Variants in PIK3C2G observed in about 807,000 individuals in gnomAD.
PIK3C2G encodes phosphatidylinositol 3-kinase C2 domain-containing subunit gamma.
PIK3C2G carries 168 observed loss-of-function variants against 181.1 expected under a neutral mutation model. The ratio of observed to expected loss-of-function variants is 0.93; its 90% CI spans 0.82 to 1.05. The LOEUF (loss-of-function observed/expected upper bound fraction) is 1.05. Among genes scored for constraint, PIK3C2G ranks in the 50% least tolerant of loss-of-function variants. The pLI is 0.00. For missense variants in PIK3C2G, 1,869 were observed against 1,732.8 expected, an observed-to-expected ratio of 1.08 and a Z score of -1.40; for synonymous variants, 573 against 592.2, an observed-to-expected ratio of 0.97 and a Z score of 0.47.
chr12:18,659,377 T>C, the PIK3C2G span, among the ~76,000 whole-genome samples: 1 of 152,126 alleles, frequency 6.6e-6, no homozygotes, highest in Non-Finnish European at 1.5e-5. Flanking sequence ...AAAGAACTCT[T>C]TGTTCCCTAA....
intron 22 of PIK3C2G, among the ~76,000 whole-genome samples, chr12:18,498,699 G>A (rs948980056): frequency 1.3e-5 from 2 of 152,026 alleles, no homozygotes; most frequent in African/African-American, 4.8e-5. Context: ...TGAGATTTTA[G>A]ATGCTAAGTA....
At chr12:18,272,354 CA>C (rs780337089) in intron 1 of PIK3C2G, among the ~76,000 whole-genome samples, 27 of 152,066 alleles carry the variant, frequency 1.8e-4, no homozygotes, top group Non-Finnish European at 3.8e-4. Flanking sequence ...GAATTTTTGG[CA>C]AGACTTCTTC....
chr12:18,332,399 A>T (rs2137547396), intron 8 of PIK3C2G, among the ~76,000 whole-genome samples: 1 of 152,278 alleles, frequency 6.6e-6, no homozygotes, highest in East Asian at 1.9e-4. Context: ...AACCAGTCAC[A>T]GCCTTAGGCA....
At chr12:18,343,260 A>G in intron 9 of PIK3C2G, 67 bp from the exon 10 acceptor site, 1 of 805,774 alleles carries the variant, frequency 1.2e-6, no homozygotes. Context: ...GATTTTGGAC[A>G]TTACTATTTG....
At chr12:18,594,123 C>T (rs568650840) in intron 29 of PIK3C2G, among the ~76,000 whole-genome samples, 1 of 152,018 alleles carries the variant, frequency 6.6e-6, no homozygotes, top group Non-Finnish European at 1.5e-5. Flanking sequence ...CTGTCCCACT[C>T]ACAGTAATTT....
intron 20 of PIK3C2G, chr12:18,493,637 T>C (rs1284990812): frequency 2.0e-5 from 3 of 152,272 alleles, no homozygotes; most frequent in African/African-American, 7.2e-5. Context: ...TGAGCCATTA[T>C]AGTTCACAAG....
At chr12:18,372,346 T>C (rs796418283) in intron 13 of PIK3C2G, among the ~76,000 whole-genome samples, 14 of 152,224 alleles carry the variant, frequency 9.2e-5, no homozygotes, top group African/African-American at 3.1e-4. Context: ...CTCATATAAA[T>C]AGGCAATCAA....
chr12:18,688,090 A>T, the PIK3C2G span: 1 of 1,609,692 alleles, frequency 6.2e-7, no homozygotes, highest in Middle Eastern at 1.7e-4. Context: ...GGAGCTCACC[A>T]TTTTTTTTAA....
intron 31 of PIK3C2G, among the ~76,000 whole-genome samples, chr12:18,619,144 T>C (rs1370010302): frequency 6.6e-6 from 1 of 151,326 alleles, no homozygotes; most frequent in Non-Finnish European, 1.5e-5. Context: ...CTAAAAACAA[T>C]CTAAAAATAT....
At chr12:18,319,554 A>AT (rs1430711743) in intron 6 of PIK3C2G, among the ~76,000 whole-genome samples, 3 of 152,014 alleles carry the variant, frequency 2.0e-5, no homozygotes, top group Non-Finnish European at 4.4e-5. Flanking sequence ...AAATTAAAAA[A>AT]TTTTTCTAGC....
the PIK3C2G span, chr12:18,693,981 C>T: frequency 6.6e-7 from 1 of 1,503,776 alleles, no homozygotes. Flanking sequence ...TGTACAGAAG[C>T]TGGTCTGATG....
chr12:18,391,296 A>G (rs780602689), intron 15 of PIK3C2G, 44 bp downstream of exon 15: 24 of 1,459,174 alleles, frequency 1.6e-5, no homozygotes, highest in Non-Finnish European at 2.0e-5. Context: ...CCTGCTGTTT[A>G]TGATTTCCTC....
At chr12:18,634,039 A>G (rs1174649225) in intron 31 of PIK3C2G, among the ~76,000 whole-genome samples, 1 of 152,152 alleles carries the variant, frequency 6.6e-6, no homozygotes, top group African/African-American at 2.4e-5. Context: ...CAGAGCATAC[A>G]CAGCCTTTTG....
At chr12:18,685,090 T>C in the PIK3C2G span, among the ~76,000 whole-genome samples, 1 of 152,066 alleles carries the variant, frequency 6.6e-6, no homozygotes, top group Non-Finnish European at 1.5e-5. Flanking sequence ...TAGAGCAATA[T>C]GAAAATGGAC....
intron 18 of PIK3C2G, among the ~76,000 whole-genome samples, chr12:18,433,810 A>G (rs1031050125): frequency 6.6e-6 from 1 of 152,200 alleles, no homozygotes; most frequent in Non-Finnish European, 1.5e-5. Flanking sequence ...TGACAATAAT[A>G]AAATGTAGGC....
chr12:18,427,291 A>G (rs1945871383), intron 18 of PIK3C2G, among the ~76,000 whole-genome samples: 1 of 151,746 alleles, frequency 6.6e-6, no homozygotes, highest in Admixed American at 6.6e-5. Flanking sequence ...GGATCACCTG[A>G]GGTCAGGAGT....
the PIK3C2G span, among the ~76,000 whole-genome samples, chr12:18,713,551 C>A: frequency 6.6e-6 from 1 of 152,110 alleles, no homozygotes; most frequent in Non-Finnish European, 1.5e-5. Context: ...AGTATGGAAG[C>A]TAGAGGGCCT....
intron 11 of PIK3C2G, among the ~76,000 whole-genome samples, chr12:18,348,682 C>T (rs1306632027): frequency 1.3e-5 from 2 of 152,124 alleles, no homozygotes; most frequent in African/African-American, 4.8e-5. Context: ...AGATGTCTTA[C>T]CTCATGACAA....
chr12:18,645,249 G>A (rs922731760), intron 32 of PIK3C2G, among the ~76,000 whole-genome samples: 1 of 151,824 alleles, frequency 6.6e-6, no homozygotes, highest in Non-Finnish European at 1.5e-5. Flanking sequence ...TCTGTACTTC[G>A]CTAACATTAG....
Sources: gnomAD v4.1 joint callset for allele counts (sites outside exome capture counted in the v4.1 genomes callset) on GRCh38, gnomAD v4.1.1 for gene constraint, MANE v1.5 for transcripts, NCBI Gene and HGNC (gene_info 2026-07-23, HGNC 2026-07-21) for gene names.